TANC1: variants seen among roughly 807,000 people sequenced by gnomAD.
TANC1 encodes tetratricopeptide repeat, ankyrin repeat and coiled-coil containing 1, also known as protein TANC1.
Under a neutral mutation model 149.7 loss-of-function variants are expected in TANC1, and 77 were observed. The observed-to-expected ratio is 0.51, with a 90% CI of 0.43 to 0.62. The LOEUF is 0.62. TANC1 is among the 20% of genes least tolerant of loss of function. The pLI, the probability that TANC1 is intolerant of heterozygous loss-of-function variation, is 0.00. For missense variants in TANC1, 1,985 were observed against 2,321.8 expected, an observed-to-expected ratio of 0.85 and a Z score of 2.98; for synonymous variants, 854 against 925.0, an observed-to-expected ratio of 0.92 and a Z score of 1.39.
chr2:159,185,549 G>A (rs1575145644), intron 14 of TANC1, among the ~76,000 whole-genome samples: 1 of 152,218 alleles, frequency 6.6e-6, no homozygotes, highest in East Asian at 1.9e-4. Context: ...GCTAGGCCCA[G>A]GGATGGTTCT....
intron 2 of TANC1, among the ~76,000 whole-genome samples, chr2:159,041,214 C>T (rs2040601709): frequency 6.6e-6 from 1 of 152,168 alleles, no homozygotes; most frequent in Non-Finnish European, 1.5e-5. Flanking sequence ...TGGGAGGTGT[C>T]TGCCAGTAAG....
Position 159,169,291 on chromosome 2 carries a change from G to T in TANC1, c.988G>T (p.Gly330Trp). ...TKLEDLSYLD[G>W]QRNAPLRTSI... ...ATTGGAAGATCTGAGTTATTTAGACGGGCAGAGAAATGCTCCTCTACGGAC... is the reference window on the plus strand; with the variant it reads ...ATTGGAAGATCTGAGTTATTTAGACTGGCAGAGAAATGCTCCTCTACGGAC... The change falls in exon 9 of 27, where the codon GGG (glycine) becomes TGG (tryptophan). Residue 330 changes from glycine to tryptophan, a missense_variant. Transcript: ENST00000263635. The T allele has an allele frequency of 1.2e-6, 2 of 1,612,998 alleles. 1 individual carries two copies. Among genetic ancestry groups the T allele is most frequent in the South Asian group, 2.2e-5 (2 of 91,040 alleles).
At chr2:159,225,821 G>T in intron 24 of TANC1, 42 bp downstream of exon 24, 1 of 1,428,416 alleles carries the variant, frequency 7.0e-7, no homozygotes, top group South Asian at 1.2e-5. Context: ...AAACTGCCTG[G>T]GAGCACCCTC....
chr2:159,225,843 C>T (rs12692544), intron 24 of TANC1, 64 bp downstream of exon 24: 1,022,858 of 1,189,218 alleles, frequency 0.86, 443,610 homozygotes, highest in Admixed American at 0.91. Flanking sequence ...TAATTGGGTA[C>T]ATAATGGCTA....
chr2:159,106,452 C>T (rs568514241), intron 4 of TANC1, among the ~76,000 whole-genome samples: 2 of 152,230 alleles, frequency 1.3e-5, no homozygotes, highest in East Asian at 1.9e-4. Context: ...TATGGAGCAT[C>T]GTGTTGTCTA....
At chr2:159,128,538 T>C (rs960564010) in intron 4 of TANC1, among the ~76,000 whole-genome samples, 15 of 152,202 alleles carry the variant, frequency 9.9e-5, no homozygotes, top group African/African-American at 3.6e-4. Flanking sequence ...ATTTTCTGTC[T>C]CCTTCCCCCA....
At chr2:159,025,104 A>T (rs2039154979) in intron 2 of TANC1, among the ~76,000 whole-genome samples, 1 of 151,800 alleles carries the variant, frequency 6.6e-6, no homozygotes, top group Non-Finnish European at 1.5e-5. Flanking sequence ...TAACATTCCC[A>T]TTATCTCATA....
intron 14 of TANC1, among the ~76,000 whole-genome samples, chr2:159,179,414 G>C (rs2056230635): frequency 1.3e-5 from 2 of 152,114 alleles, no homozygotes; most frequent in East Asian, 1.9e-4. Flanking sequence ...AGAGAAGCTG[G>C]GTGGTGCCTG....
intron 2 of TANC1, among the ~76,000 whole-genome samples, chr2:159,038,204 G>C (rs900309156): frequency 8.5e-5 from 13 of 152,158 alleles, no homozygotes; most frequent in Non-Finnish European, 2.9e-5. Context: ...CATTGATTTT[G>C]TATCCTGAAA....
chr2:159,033,663 A>C (rs774193417), intron 2 of TANC1, among the ~76,000 whole-genome samples: 7 of 152,232 alleles, frequency 4.6e-5, no homozygotes, highest in Non-Finnish European at 1.0e-4. Context: ...GCAAGCAGGT[A>C]TTCCTAAGAA....
chr2:159,175,455 T>C (rs938405108), intron 12 of TANC1, among the ~76,000 whole-genome samples: 1 of 152,206 alleles, frequency 6.6e-6, no homozygotes, highest in African/African-American at 2.4e-5. Flanking sequence ...AGCTTGTAAG[T>C]GTGGGCTGTT....
At chr2:159,017,578 G>A (rs1256637503) in intron 2 of TANC1, among the ~76,000 whole-genome samples, 3 of 152,116 alleles carry the variant, frequency 2.0e-5, no homozygotes, top group Non-Finnish European at 4.4e-5. Context: ...TTTTGTGTGT[G>A]TGTCTCAGGT....
intron 1 of TANC1, among the ~76,000 whole-genome samples, chr2:158,982,293 A>C (rs943002596): frequency 6.6e-6 from 1 of 152,244 alleles, no homozygotes; most frequent in Non-Finnish European, 1.5e-5. Context: ...TATTTAGTCC[A>C]TTAAAAATAT....
At chr2:159,009,146 T>C (rs1285842310) in intron 2 of TANC1, among the ~76,000 whole-genome samples, 1 of 152,158 alleles carries the variant, frequency 6.6e-6, no homozygotes, top group Non-Finnish European at 1.5e-5. Flanking sequence ...TTTAAAACTA[T>C]GTACGTTAAT....
intron 3 of TANC1, among the ~76,000 whole-genome samples, chr2:159,070,976 G>A (rs370855985): frequency 6.6e-6 from 1 of 152,064 alleles, no homozygotes; most frequent in East Asian, 1.9e-4. Flanking sequence ...TGTAATTAAA[G>A]CTCACAGTTG....
chr2:159,162,185 AC>A (rs1338960646), intron 7 of TANC1, among the ~76,000 whole-genome samples: 1 of 152,112 alleles, frequency 6.6e-6, no homozygotes, highest in Non-Finnish European at 1.5e-5. Context: ...TAAATAACTG[AC>A]CCTGAGCTAA....
intron 22 of TANC1, among the ~76,000 whole-genome samples, chr2:159,221,454 G>T (rs570089146): frequency 6.6e-6 from 1 of 152,154 alleles, no homozygotes; most frequent in South Asian, 2.1e-4. Context: ...TACTCCTCCT[G>T]TCTAACTGAA....
chr2:159,036,865 G>GTA (rs942908042), intron 2 of TANC1, among the ~76,000 whole-genome samples: 2 of 152,162 alleles, frequency 1.3e-5, no homozygotes, highest in African/African-American at 2.4e-5. Context: ...AGTCCTTTGA[G>GTA]TATATACCCA....
At chr2:159,106,666 A>G (rs941213069) in intron 4 of TANC1, among the ~76,000 whole-genome samples, 2 of 152,304 alleles carry the variant, frequency 1.3e-5, no homozygotes, top group Admixed American at 6.5e-5. Flanking sequence ...ATGGACATAT[A>G]TTTTTCCCTT....
Sources: gnomAD v4.1 joint callset for allele counts (sites outside exome capture counted in the v4.1 genomes callset) on GRCh38, gnomAD v4.1.1 for gene constraint, MANE v1.5 for transcripts, NCBI Gene and HGNC (gene_info 2026-07-23, HGNC 2026-07-21) for gene names.